PPM1F: variants seen among roughly 807,000 people sequenced by gnomAD.
PPM1F encodes protein phosphatase 1F.
PPM1F carries 17 observed loss-of-function variants against 35.5 expected under a neutral mutation model. That is an observed-to-expected ratio of 0.48 (90% confidence interval 0.33 to 0.72). PPM1F has a LOEUF of 0.72. PPM1F is among the 30% of genes least tolerant of loss of function. PPM1F has a pLI of 0.02. For missense variants in PPM1F, 521 were observed against 613.0 expected (o/e 0.85, Z 1.59); for synonymous variants, 241 against 255.5 (o/e 0.94, Z 0.54).
In PPM1F at chr22:21,920,645, G is replaced by A. The variant is rs2070437112; in HGVS notation, c.*2447C>T. The A allele has an allele frequency of 6.6e-6, 1 of 152,416 alleles. No homozygotes were observed. The allele number at this position is 152,416 out of a possible 1,614,324, so 9.4% of individuals were successfully genotyped here. A position where few individuals can be genotyped will look rare whatever the true frequency, so the allele number is the denominator to read the frequency against. On this transcript the variant is annotated 3_prime_UTR_variant, in exon 8 of 8. Transcript: ENST00000263212. ...GCCATCCTCTGGGGTCCTGGCTCAG[G>A]GGTGGGGAGCGGCAGTGCTGGGACA... is the stretch of plus-strand genomic sequence containing the variant.
At position 21,922,916 on chromosome 22, in the gene PPM1F, G is replaced by T; in HGVS notation, c.*176C>A. 1.2e-6 allele frequency: 1 copy of T among 813,602 alleles called. No homozygotes were observed. The highest frequency in any genetic ancestry group is 2.0e-6 in the Non-Finnish European group (1 of 511,598). 50.4% of individuals were successfully genotyped at this position (813,602 alleles called of 1,614,324 possible). On this transcript the variant is annotated 3_prime_UTR_variant, in exon 8 of 8. Coordinates refer to ENST00000263212, the MANE Select transcript of PPM1F (RefSeq NM_014634.4). ...CACCATCTGCCCGCCACCCAGTGCAGTTCCACAGCCACCAGGACGGGCTGC... is the reference window on the plus strand; with the variant it reads ...CACCATCTGCCCGCCACCCAGTGCATTTCCACAGCCACCAGGACGGGCTGC...
At chr22:21,931,979 A>ATT (rs754346108) in intron 5 of PPM1F, among the ~76,000 whole-genome samples, 2 of 148,248 alleles carry the variant, frequency 1.3e-5, no homozygotes, top group Non-Finnish European at 3.0e-5. Flanking sequence ...TACCTGGCTA[A>ATT]TTTTTTTTTT....
Position 21,937,988 on chromosome 22 carries a change from T to C in PPM1F, c.355+1544A>G, listed in dbSNP as rs1034977943. ...CCACTCTGACGCAATTTTGTAAGAA[T>C]GGCTTGGAGTCCAAAAACTTGACTA... On this transcript the variant is annotated intron_variant, in intron 3 of 7. Transcript: ENST00000263212. 5 of 869,870 alleles carry C rather than the reference T, an allele frequency of 5.7e-6. No individual in the cohort carries two copies. In the African/African-American group the frequency reaches 7.3e-5, roughly 13 times the overall value. 53.9% of individuals were successfully genotyped at this position (869,870 alleles called of 1,614,324 possible).
chr22:21,923,568 A>T, intron 7 of PPM1F, 97 bp from the exon 8 acceptor site: 1 of 1,342,294 alleles, frequency 7.4e-7, no homozygotes, highest in South Asian at 1.4e-5. Context: ...GCAGGGACAG[A>T]GACCAACCTG....
chr22:21,925,776 C>A (rs1030683907), intron 6 of PPM1F, 114 bp from the exon 7 acceptor site: 3 of 782,934 alleles, frequency 3.8e-6, no homozygotes, highest in African/African-American at 3.5e-5. Flanking sequence ...TTCAAAGCCG[C>A]AGCACTGGAA....
At position 21,923,434 on chromosome 22, in the gene PPM1F, G is replaced by A. The variant is rs767252037; in HGVS notation, c.1023C>T (p.Ala341=). ...CCGTCAGCGCCCGGGAAGCTGCATC[G>A]GCCTCCCCAGACACGTAGGGCTTCT... is the stretch of plus-strand genomic sequence containing the variant. ...VFQKPYVSGE[A]DAASRALTGS... is the part of the protein sequence containing the mutation. The change falls in exon 8 of 8, where the codon GCC becomes GCT. Residue 341 remains alanine (A), a synonymous_variant. Transcript: ENST00000263212. 25 of 1,612,548 alleles carry A rather than the reference G, an allele frequency of 1.6e-5. No homozygotes were observed. The highest frequency in any genetic ancestry group is 5.0e-5 in the Admixed American group (3 of 59,968).
intron 7 of PPM1F, among the ~76,000 whole-genome samples, chr22:21,924,031 C>A (rs1422307785): frequency 1.3e-5 from 2 of 152,060 alleles, no homozygotes; most frequent in Non-Finnish European, 2.9e-5. Flanking sequence ...CCTGGCCTCA[C>A]TTCCTGGAGT....
chr22:21,926,225 G>C (rs902119058), intron 6 of PPM1F, among the ~76,000 whole-genome samples: 1 of 150,152 alleles, frequency 6.7e-6, no homozygotes, highest in African/African-American at 2.5e-5. Context: ...TCTGCCTCCT[G>C]GGTTCAAGTG....
intron 7 of PPM1F, among the ~76,000 whole-genome samples, chr22:21,924,668 C>T (rs2070490118): frequency 6.6e-6 from 1 of 150,910 alleles, no homozygotes. Context: ...CCTCTGGGTT[C>T]AAGCACTTCT....
Position 21,939,472 on chromosome 22 carries a change from C to A in PPM1F, c.355+60G>T. On this transcript the variant is annotated intron_variant, in intron 3 of 7. Transcript: ENST00000263212. This position sits in a 1 kb window ranked among gnomAD's most constrained non-coding sequence, Gnocchi z 5.1. ...CCAATCAATGGGCTTCCCACAATGT[C>A]GTCACCCTTTGTTGCCTGCTAAGCA... 6.3e-7 allele frequency: 1 copy of A among 1,596,812 alleles called. No homozygotes were observed.
Position 21,925,570 on chromosome 22 carries a change from G to T in PPM1F, c.984C>A (p.Ile328=), listed in dbSNP as rs1353409801. The change falls in exon 7 of 8, where the codon ATC becomes ATA. Residue 328 remains isoleucine (I), a splice_region_variant and synonymous_variant. Coordinates refer to ENST00000263212, the MANE Select transcript of PPM1F (RefSeq NM_014634.4). The part of the protein sequence containing the change: ...VNGTLAVSRA[I]GDVFQKPYVS... ...TGGGTCGGCCTCTTTGGCTCTCACCGATGGCTCTGGAGACGGCCAGGGTCC... is the reference window on the plus strand; with the variant it reads ...TGGGTCGGCCTCTTTGGCTCTCACCTATGGCTCTGGAGACGGCCAGGGTCC... 6.2e-7 allele frequency: 1 copy of T among 1,613,758 alleles called. No homozygotes were observed. Among genetic ancestry groups the T allele is most frequent in the Non-Finnish European group, 8.5e-7 (1 of 1,179,774 alleles).
chr22:21,940,547 G>A (rs1186370071), intron 2 of PPM1F: 1 of 152,198 alleles, frequency 6.6e-6, no homozygotes. Context: ...AGGGGAACAT[G>A]AGGCAGAGAC....
intron 2 of PPM1F, chr22:21,941,413 T>TG (rs1202484230): frequency 2.0e-5 from 3 of 152,342 alleles, no homozygotes; most frequent in Non-Finnish European, 2.9e-5. Flanking sequence ...AGGGACAGTG[T>TG]TGAAGTTTCT....
intron 3 of PPM1F, chr22:21,934,522 A>C (rs2070635711): frequency 2.6e-6 from 1 of 382,286 alleles, no homozygotes; most frequent in East Asian, 5.1e-5. Context: ...CAAAGTACAG[A>C]ATCACTTATA....
intron 5 of PPM1F, 55 bp downstream of exon 5, chr22:21,933,336 C>T (rs2070615358): frequency 6.6e-7 from 1 of 1,522,098 alleles, no homozygotes; most frequent in Non-Finnish European, 8.9e-7. Context: ...GCTGCAGAGG[C>T]TGGGACTCTC....
At chr22:21,947,234 C>G (rs112728522) in intron 1 of PPM1F, 2,117 of 152,994 alleles carry the variant, frequency 0.014, 53 homozygotes, top group African/African-American at 0.047. Context: ...CAGCGCCCCC[C>G]CTTCCATGTT....
chr22:21,925,923 G>A (rs543955148), intron 6 of PPM1F: 10 of 405,656 alleles, frequency 2.5e-5, no homozygotes, highest in African/African-American at 1.2e-4. Flanking sequence ...CGGTGCCTGC[G>A]CCCCTGGGCA....
intron 6 of PPM1F, among the ~76,000 whole-genome samples, chr22:21,928,607 G>A (rs1171561602): frequency 6.6e-6 from 1 of 152,056 alleles, no homozygotes; most frequent in Non-Finnish European, 1.5e-5. Context: ...TTTGAAGACA[G>A]GGTCTCACTC....
In PPM1F at chr22:21,922,236, G is replaced by C. The variant is rs1034199825; in HGVS notation, c.*856C>G. 6.6e-6 allele frequency: 1 copy of C among 152,516 alleles called. No homozygotes were observed. The highest frequency in any genetic ancestry group is 2.4e-5 in the African/African-American group (1 of 41,420). The allele number at this position is 152,516 out of a possible 1,614,324, so 9.4% of individuals were successfully genotyped here. A position where few individuals can be genotyped will look rare whatever the true frequency, so the allele number is the denominator to read the frequency against. On this transcript the variant is annotated 3_prime_UTR_variant, in exon 8 of 8. Transcript: ENST00000263212. ...AAATTCAATAATACTGCAAAAAAAG[G>C]TTCCTTGAAAAATAGCTTTAAAAAA...
Sources: gnomAD v4.1 joint callset for allele counts (sites outside exome capture counted in the v4.1 genomes callset) on GRCh38, gnomAD v4.1.1 for gene constraint, Gnocchi (gnomAD v3.1) non-coding constraint, MANE v1.5 for transcripts, NCBI Gene and HGNC (gene_info 2026-07-23, HGNC 2026-07-21) for gene names.